Variants in LRCH3 observed in about 807,000 individuals in gnomAD.
LRCH3 encodes leucine rich repeats and calponin homology domain containing 3.
In LRCH3, 68 loss-of-function variants were observed where a neutral mutation model predicts 104.5. The observed-to-expected ratio is 0.65, with a 90% confidence interval of 0.54 to 0.80. LRCH3 has a LOEUF of 0.80. Ranked by LOEUF, LRCH3 falls within the 30% of genes least tolerant of loss-of-function variation. LRCH3 has a pLI of 0.00. For synonymous variants in LRCH3, 344 were observed against 361.3 expected, an observed-to-expected ratio of 0.95 and a Z score of 0.54; for missense variants, 951 against 953.9, an observed-to-expected ratio of 1.00 and a Z score of 0.04.
chr3:197,822,405 G>A (rs1335671686), intron 4 of LRCH3, among the ~76,000 whole-genome samples: 2 of 152,152 alleles, frequency 1.3e-5, no homozygotes, highest in African/African-American at 4.8e-5. Context: ...ATAATATTTA[G>A]TGTGAAATCA....
rs1334539745 is a variant in LRCH3, at chr3:197,852,336, C to A, written c.1531-225C>A. Reference sequence around the variant, plus strand: ...CATTAGAGGGAGAGAATAAGTTCATCGAGTAAGAGGTCAATATTCTGATTA... The same window carrying A: ...CATTAGAGGGAGAGAATAAGTTCATAGAGTAAGAGGTCAATATTCTGATTA... On this transcript the variant is annotated intron_variant, in intron 12 of 20. Coordinates refer to ENST00000425562, the MANE Select transcript of LRCH3 (RefSeq NM_001365715.1). The A allele has an allele frequency of 1.3e-5, 6 of 474,272 alleles. No homozygotes were observed. In the South Asian group the frequency reaches 1.7e-4, roughly 14 times the overall value. 29.4% of individuals were successfully genotyped at this position (474,272 alleles called of 1,614,324 possible). A position where few individuals can be genotyped will look rare whatever the true frequency, so the allele number is the denominator to read the frequency against.
rs942919542 is a variant in LRCH3, at chr3:197,792,489, C to T, written c.262+949C>T. ...GTGCCGTCATCACTGCTCACTGCAGCCTCGACCTCCCGGGCTCAGGTGATC... is the reference window on the plus strand; with the variant it reads ...GTGCCGTCATCACTGCTCACTGCAGTCTCGACCTCCCGGGCTCAGGTGATC... On this transcript the variant is annotated intron_variant, in intron 1 of 20. Coordinates refer to ENST00000425562, the MANE Select transcript of LRCH3 (RefSeq NM_001365715.1). Among the ~76,000 whole-genome samples the T allele has an allele frequency of 2.0e-5, 3 of 146,342 alleles. No individual in the cohort carries two copies. The Admixed American group carries it at 2.1e-4, about 10-fold the overall frequency.
Position 197,791,619 on chromosome 3 carries a change from G to C in LRCH3, c.262+79G>C, listed in dbSNP as rs529223091. On this transcript the variant is annotated intron_variant, in intron 1 of 20. Coordinates refer to ENST00000425562, the MANE Select transcript of LRCH3 (RefSeq NM_001365715.1). ...CCCCGGCCGGGGGAGGCGGATGCGG[G>C]GGAGTTACAGCAGCTCGTCCCGTAG... is the stretch of plus-strand genomic sequence containing the variant. 253 of 1,439,782 alleles carry C rather than the reference G, an allele frequency of 1.8e-4. 1 individual carries two copies. The highest frequency in any genetic ancestry group is 2.3e-4 in the Non-Finnish European group (252 of 1,099,214). 89.2% of individuals were successfully genotyped at this position (1,439,782 alleles called of 1,614,324 possible).
chr3:197,839,082 A>T (rs962691459), intron 9 of LRCH3, among the ~76,000 whole-genome samples: 1 of 152,236 alleles, frequency 6.6e-6, no homozygotes, highest in Non-Finnish European at 1.5e-5. Flanking sequence ...TAATACAGTG[A>T]GAAGGAAATC....
intron 1 of LRCH3, among the ~76,000 whole-genome samples, chr3:197,799,273 A>C (rs1381635995): frequency 6.6e-6 from 1 of 152,204 alleles, no homozygotes; most frequent in Non-Finnish European, 1.5e-5. Flanking sequence ...TGTTCTTTCC[A>C]GTTCCTCTGT....
intron 1 of LRCH3, among the ~76,000 whole-genome samples, chr3:197,812,516 T>TTTTTTTTTTTG (rs1733278127): frequency 1.5e-5 from 2 of 133,518 alleles, no homozygotes; most frequent in Admixed American, 7.9e-5. Flanking sequence ...TTTTTTTTTT[T>TTTTTTTTTTTG]TTTTTTTTTT....
chr3:197,848,517 G>C (rs1739097729), intron 12 of LRCH3: 1 of 152,448 alleles, frequency 6.6e-6, no homozygotes, highest in South Asian at 2.1e-4. Flanking sequence ...CTCTATAGTA[G>C]TGCCTGAAAT....
chr3:197,845,057 G>A (rs1301127922), intron 10 of LRCH3, among the ~76,000 whole-genome samples: 1 of 152,176 alleles, frequency 6.6e-6, no homozygotes, highest in Non-Finnish European at 1.5e-5. Flanking sequence ...TGGATTGGGT[G>A]CAAAATACAG....
intron 1 of LRCH3, among the ~76,000 whole-genome samples, chr3:197,800,160 T>C (rs1322013282): frequency 6.6e-6 from 1 of 151,322 alleles, no homozygotes; most frequent in Non-Finnish European, 1.5e-5. Flanking sequence ...ATCGCACCAC[T>C]ATACTCCACT....
intron 14 of LRCH3, among the ~76,000 whole-genome samples, chr3:197,858,519 G>A (rs1740532587): frequency 1.3e-5 from 2 of 151,990 alleles, no homozygotes; most frequent in Admixed American, 6.6e-5. Context: ...CTAGTTTCAA[G>A]GCTACTATGC....
chr3:197,879,483 A>G (rs1382575481), intron 20 of LRCH3, among the ~76,000 whole-genome samples: 1 of 151,072 alleles, frequency 6.6e-6, no homozygotes. Context: ...CGTCTCTACT[A>G]AAAATACAAA....
intron 4 of LRCH3, among the ~76,000 whole-genome samples, chr3:197,826,652 G>A (rs1189176308): frequency 6.6e-6 from 1 of 152,028 alleles, no homozygotes; most frequent in East Asian, 1.9e-4. Flanking sequence ...AGTTCTGAGC[G>A]GGTCAAAGCT....
intron 1 of LRCH3, among the ~76,000 whole-genome samples, chr3:197,795,696 T>G (rs1323596768): frequency 2.2e-5 from 3 of 137,450 alleles, no homozygotes; most frequent in African/African-American, 2.8e-5. Flanking sequence ...GTTTTTTTTT[T>G]TTTTTTTTTT....
At chr3:197,818,113 G>A (rs1344197672) in intron 3 of LRCH3, among the ~76,000 whole-genome samples, 2 of 152,136 alleles carry the variant, frequency 1.3e-5, no homozygotes, top group Admixed American at 6.5e-5. Flanking sequence ...GAGCCACCGC[G>A]CACGGCCCTG....
At chr3:197,849,901 C>T (rs945067704) in intron 12 of LRCH3, among the ~76,000 whole-genome samples, 2 of 152,150 alleles carry the variant, frequency 1.3e-5, no homozygotes, top group Non-Finnish European at 2.9e-5. Flanking sequence ...GGGAAATAAA[C>T]ACAAATAAAA....
intron 6 of LRCH3, 117 bp from the exon 7 acceptor site, chr3:197,830,649 TTTAG>T: frequency 1.4e-6 from 1 of 709,418 alleles, no homozygotes; most frequent in South Asian, 1.9e-5. Flanking sequence ...TTAAAGCCCA[TTTAG>T]TTCTAATAGT....
chr3:197,833,034 C>T (rs570702949), intron 8 of LRCH3, among the ~76,000 whole-genome samples: 1 of 152,204 alleles, frequency 6.6e-6, no homozygotes, highest in South Asian at 2.1e-4. Context: ...GTTTGCTGTC[C>T]TTTTCCTTAC....
intron 15 of LRCH3, among the ~76,000 whole-genome samples, chr3:197,861,996 CTTTT>C (rs1272638641): frequency 6.6e-6 from 1 of 152,058 alleles, no homozygotes; most frequent in Non-Finnish European, 1.5e-5. Flanking sequence ...CTGTTTCTTT[CTTTT>C]TTGTTTTCCT....
intron 10 of LRCH3, 136 bp downstream of exon 10, chr3:197,839,533 T>G (rs556032061): frequency 2.1e-5 from 11 of 526,378 alleles, no homozygotes; most frequent in Non-Finnish European, 3.3e-6. Flanking sequence ...CGGTGTGCTT[T>G]TTTGTACTCA....
Sources: allele counts gnomAD v4.1 joint callset (sites outside exome capture counted in the v4.1 genomes callset), GRCh38; gene constraint gnomAD v4.1.1; transcripts MANE v1.5; gene names NCBI Gene and HGNC (gene_info 2026-07-23, HGNC 2026-07-21).